NARS1: variants seen among roughly 807,000 people sequenced by gnomAD.
NARS1 encodes asparagine--tRNA ligase, cytoplasmic.
A neutral mutation model predicts 79.2 loss-of-function variants in NARS1; 65 were observed. The observed-to-expected ratio is 0.82, with a 90% CI of 0.67 to 1.01. The LOEUF (loss-of-function observed/expected upper bound fraction) is 1.01, where lower values mean the gene tolerates loss of function less well. Among genes scored for constraint, NARS1 ranks in the 50% least tolerant of loss-of-function variants. The pLI is 0.00. For synonymous variants in NARS1, 229 were observed against 238.8 expected (o/e 0.96, Z 0.38); for missense variants, 649 against 673.8 (o/e 0.96, Z 0.41).
At chr18:57,612,374 T>C (rs181723007) in intron 5 of NARS1, among the ~76,000 whole-genome samples, 2 of 152,260 alleles carry the variant, frequency 1.3e-5, no homozygotes, top group East Asian at 3.9e-4. Context: ...TTCTTATTTA[T>C]GTCCTAAAGG....
chr18:57,611,760 T>A, intron 5 of NARS1, 53 bp from the exon 6 acceptor site: 8 of 978,098 alleles, frequency 8.2e-6, no homozygotes, highest in East Asian at 3.3e-5. Context: ...GCATTAAATT[T>A]TATATATATA....
At chr18:57,606,885 T>G (rs1316566057) in intron 9 of NARS1, 134 bp from the exon 10 acceptor site, 2 of 1,140,208 alleles carry the variant, frequency 1.8e-6, no homozygotes, top group African/African-American at 3.1e-5. Context: ...AAATTAGCTG[T>G]GGACTCCCCT....
intron 2 of NARS1, among the ~76,000 whole-genome samples, chr18:57,618,121 A>T (rs1437479061): frequency 1.8e-5 from 2 of 114,070 alleles, no homozygotes; most frequent in South Asian, 5.7e-4. Context: ...TACTAGAAAT[A>T]AAAAAAAAAA....
intron 7 of NARS1, among the ~76,000 whole-genome samples, chr18:57,608,017 A>G (rs1161118453): frequency 2.0e-5 from 3 of 151,600 alleles, no homozygotes; most frequent in Admixed American, 1.3e-4. Flanking sequence ...ACAGGCGCCC[A>G]CCACCACGTC....
At position 57,613,589 on chromosome 18, in the gene NARS1, CT is replaced by C; in HGVS notation, c.421+12del. ...TTTAAACATTAAAAAGAAGGAAAAGCTTTGCCATTTACCTTGCCTGCGCAGC... is the reference window on the plus strand; with the variant it reads ...TTTAAACATTAAAAAGAAGGAAAAGCTTGCCATTTACCTTGCCTGCGCAGC... On this transcript the variant is annotated intron_variant, in intron 5 of 13. Transcript: ENST00000256854. 6.2e-7 allele frequency: 1 copy of C among 1,604,470 alleles called. No individual in the cohort carries two copies.
intron 4 of NARS1, among the ~76,000 whole-genome samples, chr18:57,613,980 T>G (rs1018839353): frequency 3.9e-5 from 6 of 152,222 alleles, no homozygotes; most frequent in African/African-American, 1.2e-4. Flanking sequence ...TTGTCATAAG[T>G]GGAGCACTTG....
intron 11 of NARS1, among the ~76,000 whole-genome samples, chr18:57,604,395 A>C (rs78641697): frequency 0.049 from 7,501 of 152,196 alleles, 642 homozygotes; most frequent in East Asian, 0.33. Context: ...CTCTTTAAAA[A>C]AAAAAAACCA....
chr18:57,605,829 G>C (rs1599032452), intron 11 of NARS1, 28 bp downstream of exon 11: 1 of 1,472,080 alleles, frequency 6.8e-7, no homozygotes, highest in East Asian at 2.4e-5. Context: ...ATCCCACCTT[G>C]GAAACAATGA....
intron 5 of NARS1, among the ~76,000 whole-genome samples, chr18:57,613,256 G>C (rs2051619897): frequency 6.6e-6 from 1 of 151,844 alleles, no homozygotes; most frequent in African/African-American, 2.4e-5. Flanking sequence ...CACTTTGGGA[G>C]GCCAAGACAG....
chr18:57,615,400 G>A (rs1342272401), intron 4 of NARS1, among the ~76,000 whole-genome samples: 1 of 151,976 alleles, frequency 6.6e-6, no homozygotes, highest in Non-Finnish European at 1.5e-5. Context: ...TACTCGGGAG[G>A]CTGAGGCAGG....
chr18:57,608,854 A>C (rs1018220469), intron 7 of NARS1, among the ~76,000 whole-genome samples: 1 of 152,220 alleles, frequency 6.6e-6, no homozygotes, highest in African/African-American at 2.4e-5. Flanking sequence ...CCCACCCTCA[A>C]TGTGGGTGGG....
chr18:57,602,292 T>G lies in NARS1; in HGVS notation c.1515+63A>C, dbSNP rs1003715410. The G allele has an allele frequency of 2.7e-6, 4 of 1,502,172 alleles. No individual in the cohort carries two copies. The African/African-American group carries it at 4.2e-5, about 16-fold the overall frequency. 93.1% of individuals were successfully genotyped at this position (1,502,172 alleles called of 1,614,324 possible). On this transcript the variant is annotated intron_variant, in intron 13 of 13. Transcript: ENST00000256854. ...CCCTGAATTCTCCCCTTTTAAAAAT[T>G]TCAATATATACAGAACGATTACAGT... is the stretch of plus-strand genomic sequence containing the variant.
At chr18:57,610,310 A>G (rs1372784896) in intron 6 of NARS1, among the ~76,000 whole-genome samples, 2 of 152,088 alleles carry the variant, frequency 1.3e-5, no homozygotes, top group East Asian at 3.9e-4. Context: ...TGTCTCTACT[A>G]AAAATACAAA....
intron 11 of NARS1, 134 bp from the exon 12 acceptor site, chr18:57,603,077 T>C (rs1163323736): frequency 1.5e-6 from 1 of 677,558 alleles, no homozygotes. Flanking sequence ...CCTTAACCCA[T>C]ACACATTTGT....
chr18:57,615,928 A>C lies in NARS1; in HGVS notation c.141T>G (p.Asp47Glu). The part of the protein sequence containing the change: ...GKEPFPTIYV[D>E]SQKENERWNV... ...TCCACCTCTCATTTTCTTTTTGTGA[A>C]TCTACGTAAATGGTAGGAAATGGTT... The change falls in exon 3 of 14, where the codon GAT becomes GAG. Residue 47 changes from aspartate to glutamate, a missense_variant. Asp to Glu is a conservative substitution (Grantham distance 45). Transcript: ENST00000256854. The C allele has an allele frequency of 6.2e-7, 1 of 1,613,124 alleles. No homozygotes were observed. The highest frequency in any genetic ancestry group is 8.5e-7 in the Non-Finnish European group (1 of 1,179,686).
At position 57,620,557 on chromosome 18, in the gene NARS1, A is replaced by T; in HGVS notation, c.93+12T>A. 2 of 1,579,468 alleles carry T rather than the reference A, an allele frequency of 1.3e-6. No individual in the cohort carries two copies. Among genetic ancestry groups the T allele is most frequent in the Non-Finnish European group, 1.7e-6 (2 of 1,154,458 alleles). On this transcript the variant is annotated intron_variant, in intron 2 of 13. Transcript: ENST00000256854. ...AATGCAGTCTCATTTTCCTAATGAG[A>T]AGAGACTCTACCTTTAGACCTGTTT...
At chr18:57,619,830 G>A (rs1908228234) in intron 2 of NARS1, among the ~76,000 whole-genome samples, 1 of 152,076 alleles carries the variant, frequency 6.6e-6, no homozygotes, top group African/African-American at 2.4e-5. Context: ...TGGGACCACA[G>A]GCACGCACCA....
intron 11 of NARS1, among the ~76,000 whole-genome samples, chr18:57,605,546 G>A (rs1467632977): frequency 6.7e-6 from 1 of 148,760 alleles, no homozygotes; most frequent in Non-Finnish European, 1.5e-5. Context: ...GGCGGAGGTT[G>A]CAGTGAGCCG....
At chr18:57,609,753 A>G (rs2051590047) in intron 6 of NARS1, among the ~76,000 whole-genome samples, 1 of 152,184 alleles carries the variant, frequency 6.6e-6, no homozygotes, top group South Asian at 2.1e-4. Flanking sequence ...ATTTTTAAAA[A>G]TCTAGACTAT....
Sources: allele counts gnomAD v4.1 joint callset (sites outside exome capture counted in the v4.1 genomes callset), GRCh38; gene constraint gnomAD v4.1.1; transcripts MANE v1.5; gene names NCBI Gene and HGNC (gene_info 2026-07-23, HGNC 2026-07-21).